SPPL2B: variants seen among roughly 807,000 people sequenced by gnomAD.
SPPL2B encodes the protein signal peptide peptidase like 2B.
SPPL2B carries 39 observed loss-of-function variants against 59.7 expected under a neutral mutation model. The ratio of observed to expected loss-of-function variants is 0.65; its 90% CI spans 0.51 to 0.85. The LOEUF (loss-of-function observed/expected upper bound fraction) is 0.85, where lower values mean the gene tolerates loss of function less well. SPPL2B is among the 40% of genes least tolerant of loss of function. The pLI is 0.00. For synonymous variants in SPPL2B, 419 were observed against 370.8 expected, an observed-to-expected ratio of 1.13 and a Z score of -1.49; for missense variants, 865 against 849.0, an observed-to-expected ratio of 1.02 and a Z score of -0.23.
At chr19:2,351,632 C>T (rs1969930863) in intron 14 of SPPL2B, 38 bp downstream of exon 14, 5 of 1,578,052 alleles carry the variant, frequency 3.2e-6, no homozygotes, top group Non-Finnish European at 4.3e-6. Context: ...GAAATACTCG[C>T]CTAGTGAGCC....
At chr19:2,330,832 G>C (rs1315982899) in intron 1 of SPPL2B, 1 of 152,368 alleles carries the variant, frequency 6.6e-6, no homozygotes, top group Non-Finnish European at 1.5e-5. Context: ...AGGAGTGTGA[G>C]CTTTATCCGG....
rs548098809 is a variant in SPPL2B at position 2,337,928 on chromosome 19, G to A, written c.369+303G>A. 44 of 317,930 alleles carry A rather than the reference G, an allele frequency of 1.4e-4. No individual in the cohort carries two copies. The East Asian group carries it at 2.6e-3, about 19-fold the overall frequency. 19.7% of individuals were successfully genotyped at this position (317,930 alleles called of 1,614,324 possible). On this transcript the variant is annotated intron_variant, in intron 3 of 14. Coordinates refer to ENST00000613503, the MANE Select transcript of SPPL2B (RefSeq NM_152988.3). Reference sequence around the variant, plus strand: ...GGGTGACGGAGACCACACTCTCTGTGGGGATGGGATTGGGGTGGCTTCTGA... The same window carrying A: ...GGGTGACGGAGACCACACTCTCTGTAGGGATGGGATTGGGGTGGCTTCTGA...
Position 2,348,176 on chromosome 19 carries a change from G to A in SPPL2B, c.1354+2846G>A, listed in dbSNP as rs11668964. On this transcript the variant is annotated intron_variant, in intron 13 of 14. Coordinates refer to ENST00000613503, the MANE Select transcript of SPPL2B (RefSeq NM_152988.3). Reference sequence around the variant, plus strand: ...TTCCGTTCTCTCTCCACACACACTCGCGCTCTCATTCGCTTGATTCCGTTC... The same window carrying A: ...TTCCGTTCTCTCTCCACACACACTCACGCTCTCATTCGCTTGATTCCGTTC... 2.9e-3 allele frequency among the ~76,000 whole-genome samples: 106 copies of A among 36,478 alleles called. 2 individuals carry two copies. Among genetic ancestry groups the A allele is most frequent in the South Asian group, 0.013 (11 of 830 alleles). The allele number at this position is 36,478 out of a possible 152,430, so 23.9% of individuals were successfully genotyped here.
rs559995520 is a variant in SPPL2B at position 2,335,530 on chromosome 19, T to G, written c.186+809T>G. Among the ~76,000 whole-genome samples the G allele has an allele frequency of 9.1e-4, 128 of 140,296 alleles. 1 individual carries two copies. The highest frequency in any genetic ancestry group is 1.6e-3 in the Non-Finnish European group (104 of 64,544). The allele number at this position is 140,296 out of a possible 152,430, so 92.0% of individuals were successfully genotyped here. A position where few individuals can be genotyped will look rare whatever the true frequency, so the allele number is the denominator to read the frequency against. On this transcript the variant is annotated intron_variant, in intron 2 of 14. Transcript: ENST00000613503. ...CCTCAGGCCCCGCCTCCTTTCTCAC[T>G]TCATCCCTCAGGCCCTGCCTCCTTT... is the stretch of plus-strand genomic sequence containing the variant.
Position 2,332,372 on chromosome 19 carries a change from A to G in SPPL2B, c.67-2230A>G, listed in dbSNP as rs973401531. On this transcript the variant is annotated intron_variant, in intron 1 of 14. Transcript: ENST00000613503. This position sits in a 1 kb window ranked among gnomAD's most constrained non-coding sequence, Gnocchi z 4.6. ...TGTGCTGGGGTTGGTGTCTGGCACC[A>G]GGGACCTTTGGGACCTTTAGCCAAG... is the stretch of plus-strand genomic sequence containing the variant. Among the ~76,000 whole-genome samples the G allele has an allele frequency of 6.6e-6, 1 of 152,206 alleles. No individual in the cohort carries two copies. Among genetic ancestry groups the G allele is most frequent in the Non-Finnish European group, 1.5e-5 (1 of 68,038 alleles).
intron 12 of SPPL2B, among the ~76,000 whole-genome samples, chr19:2,345,027 T>A (rs920010650): frequency 1.3e-5 from 2 of 152,008 alleles, no homozygotes; most frequent in African/African-American, 4.8e-5. Flanking sequence ...TCCTGCCAGG[T>A]GTGTCTGCCT....
chr19:2,341,814 G>T, intron 8 of SPPL2B: 1 of 353,470 alleles, frequency 2.8e-6, no homozygotes, highest in Non-Finnish European at 5.7e-6. Flanking sequence ...GCAGGCCTCA[G>T]TCAGCTGGGC....
In SPPL2B at chr19:2,328,720, C is replaced by A. The variant is rs556086917; in HGVS notation, c.11C>A (p.Ala4Glu). The change falls in exon 1 of 15, where the codon GCG (alanine) becomes GAG (glutamate). Residue 4 changes from alanine (A) to glutamate (E), a missense_variant. By Grantham distance (107) the Ala-to-Glu change is moderately radical. Transcript: ENST00000613503. MAAAVAAALARLLA... is the reference protein window; with the variant it reads MAAEVAAALARLLA... The stretch of plus-strand genomic sequence containing the variant: ...CGGGCACCGGCCGACATGGCGGCAG[C>A]GGTGGCGGCTGCGCTGGCGCGGCTT... 1.2e-5 allele frequency: 18 copies of A among 1,449,756 alleles called. No individual in the cohort carries two copies. Among genetic ancestry groups the A allele is most frequent in the Non-Finnish European group, 1.6e-5 (18 of 1,110,364 alleles). 89.8% of individuals were successfully genotyped at this position (1,449,756 alleles called of 1,614,324 possible).
At position 2,351,711 on chromosome 19, in the gene SPPL2B, G is replaced by A. The variant is rs893607864; in HGVS notation, c.1515+117G>A. On this transcript the variant is annotated intron_variant, in intron 14 of 14. Transcript: ENST00000613503. ...CCCTGCGGCCGCGACGGGGCTCAGGGTCCTGGTACCTTCTGCTTTGGGTGT... is the reference window on the plus strand; with the variant it reads ...CCCTGCGGCCGCGACGGGGCTCAGGATCCTGGTACCTTCTGCTTTGGGTGT... 5.5e-5 allele frequency: 76 copies of A among 1,387,060 alleles called. No homozygotes were observed. In the African/African-American group the frequency reaches 1.0e-3, roughly 18 times the overall value. The allele number at this position is 1,387,060 out of a possible 1,614,324, so 85.9% of individuals were successfully genotyped here.
At chr19:2,339,765 C>T in intron 5 of SPPL2B, 59 bp from the exon 6 acceptor site, 1 of 1,565,564 alleles carries the variant, frequency 6.4e-7, no homozygotes, top group Non-Finnish European at 8.7e-7. Flanking sequence ...CTGTGGGCTC[C>T]CGAGCCCCGT....
chr19:2,339,807 C>T lies in SPPL2B; in HGVS notation c.600-17C>T, dbSNP rs768774688. 6.2e-7 allele frequency: 1 copy of T among 1,601,918 alleles called. No homozygotes were observed. The highest frequency in any genetic ancestry group is 8.5e-7 in the Non-Finnish European group (1 of 1,174,654). ...CAGCCGGCCCCAGGGCCCCACGACCCCATGGTGTCTCCCAAGAAGGTACAT... is the reference window on the plus strand; with the variant it reads ...CAGCCGGCCCCAGGGCCCCACGACCTCATGGTGTCTCCCAAGAAGGTACAT... On this transcript the variant is annotated splice_polypyrimidine_tract_variant and intron_variant, in intron 5 of 14. Coordinates refer to ENST00000613503, the MANE Select transcript of SPPL2B (RefSeq NM_152988.3).
chr19:2,328,906 C>A (rs961755128), intron 1 of SPPL2B, 131 bp downstream of exon 1: 1 of 787,982 alleles, frequency 1.3e-6, no homozygotes, highest in Non-Finnish European at 1.8e-6. Context: ...GCCGTCCCCG[C>A]GTTGTCGGCC....
Position 2,351,218 on chromosome 19 carries a change from C to T in SPPL2B, c.1355-216C>T, listed in dbSNP as rs1030962731. ...TCCATGTCCTCGGTGACCCTGGCTCCGGTAGGGTCAGGGTGGGATTGTGGC... is the reference window on the plus strand; with the variant it reads ...TCCATGTCCTCGGTGACCCTGGCTCTGGTAGGGTCAGGGTGGGATTGTGGC... On this transcript the variant is annotated intron_variant, in intron 13 of 14. Transcript: ENST00000613503. 4.8e-4 allele frequency among the ~76,000 whole-genome samples: 73 copies of T among 152,194 alleles called. 1 individual carries two copies. Among genetic ancestry groups the T allele is most frequent in the Admixed American group, 4.4e-3 (67 of 15,282 alleles).
chr19:2,350,399 G>T (rs1419384783), intron 13 of SPPL2B, among the ~76,000 whole-genome samples: 1 of 124,870 alleles, frequency 8.0e-6, no homozygotes, highest in African/African-American at 3.2e-5. Flanking sequence ...GTTCTCATTC[G>T]CTTGATTCCG....
chr19:2,341,227 T>G (rs1440202682), intron 8 of SPPL2B: 2 of 685,906 alleles, frequency 2.9e-6, no homozygotes, highest in East Asian at 5.5e-5. Flanking sequence ...GAACCCTGAC[T>G]GGAATCCGGG....
Position 2,339,683 on chromosome 19 carries a change from C to A in SPPL2B, c.600-141C>A, listed in dbSNP as rs1003985904. 5.3e-5 allele frequency: 49 copies of A among 918,852 alleles called. No individual in the cohort carries two copies. The Admixed American group carries it at 9.8e-4, about 18-fold the overall frequency. The allele number at this position is 918,852 out of a possible 1,614,324, so 56.9% of individuals were successfully genotyped here. A position where few individuals can be genotyped will look rare whatever the true frequency, so the allele number is the denominator to read the frequency against. The stretch of plus-strand genomic sequence containing the variant: ...TCCTCTGCCCTGGGGACGTTCGGGG[C>A]GGTTCCTTGCACTTCAGTCCCCCCC... On this transcript the variant is annotated intron_variant, in intron 5 of 14. Transcript: ENST00000613503.
chr19:2,329,429 A>G lies in SPPL2B; in HGVS notation c.66+654A>G, dbSNP rs1403238339. ...CGCCCAGGGCCAACAGGCCTTCATT[A>G]TGTTCATTGTGTGTCATTTGATGTA... On this transcript the variant is annotated intron_variant, in intron 1 of 14. Transcript: ENST00000613503. Among the ~76,000 whole-genome samples the G allele has an allele frequency of 2.6e-5, 4 of 152,164 alleles. No homozygotes were observed. In the East Asian group the frequency reaches 5.8e-4, roughly 22 times the overall value.
At chr19:2,341,179 C>T (rs779135541) in intron 8 of SPPL2B, 165 bp downstream of exon 8, 11 of 699,258 alleles carry the variant, frequency 1.6e-5, no homozygotes, top group South Asian at 7.5e-5. Context: ...GACAGGGCTG[C>T]GAGGGCGTTT....
At chr19:2,336,017 C>G (rs927094379) in intron 2 of SPPL2B, among the ~76,000 whole-genome samples, 1 of 152,116 alleles carries the variant, frequency 6.6e-6, no homozygotes, top group African/African-American at 2.4e-5. Flanking sequence ...GGTATGTGAA[C>G]ACATGTAATA....
Sources: gnomAD v4.1 joint callset for allele counts (sites outside exome capture counted in the v4.1 genomes callset) on GRCh38, gnomAD v4.1.1 for gene constraint, Gnocchi (gnomAD v3.1) non-coding constraint, MANE v1.5 for transcripts, NCBI Gene and HGNC (gene_info 2026-07-23, HGNC 2026-07-21) for gene names.